COL8A1: variants seen among roughly 807,000 people sequenced by gnomAD.
The protein encoded by COL8A1 is collagen type VIII alpha 1 chain, also known as collagen alpha-1(VIII) chain.
In COL8A1, 21 loss-of-function variants were observed where a neutral mutation model predicts 42.7. The ratio of observed to expected loss-of-function variants is 0.49; its 90% confidence interval spans 0.35 to 0.71. The LOEUF is 0.71. Ranked by LOEUF, COL8A1 falls within the 30% of genes least tolerant of loss-of-function variation. COL8A1 has a pLI of 0.01. For missense variants in COL8A1, 788 were observed against 962.4 expected, an observed-to-expected ratio of 0.82 and a Z score of 2.40; for synonymous variants, 367 against 369.1, an observed-to-expected ratio of 0.99 and a Z score of 0.06.
intron 1 of COL8A1, among the ~76,000 whole-genome samples, chr3:99,709,217 G>T (rs1939765821): frequency 6.6e-6 from 1 of 151,996 alleles, no homozygotes; most frequent in African/African-American, 2.4e-5. Context: ...CCCAAATGTG[G>T]CCTGTGGACC....
intron 2 of COL8A1, among the ~76,000 whole-genome samples, chr3:99,751,321 G>A (rs1315500890): frequency 6.6e-6 from 1 of 152,166 alleles, no homozygotes; most frequent in Non-Finnish European, 1.5e-5. Flanking sequence ...AATATAGGAG[G>A]CCAAAGCGGG....
Position 99,794,658 on chromosome 3 carries a change from G to A in COL8A1, c.757G>A (p.Val253Ile), listed in dbSNP as rs372359820. The change falls in exon 4 of 4, where the codon GTA becomes ATA. Residue 253 changes from valine (V) to isoleucine (I), a missense_variant. Coordinates refer to ENST00000652472, the MANE Select transcript of COL8A1 (RefSeq NM_020351.4). The surrounding 1 kb of genome is among the most constrained non-coding windows in gnomAD (Gnocchi z 4.3). ...CTTCGGGATGCCAGGTGCGCCAGGT[G>A]TAAAGGGGCCTCCAGGGATGCACGG... Reference protein sequence around the residue: ...KGFGMPGAPGVKGPPGMHGPP... With the variant: ...KGFGMPGAPGIKGPPGMHGPP... The A allele has an allele frequency of 7.4e-6, 12 of 1,613,722 alleles. No individual in the cohort carries two copies. The highest frequency in any genetic ancestry group is 4.0e-5 in the African/African-American group (3 of 74,882).
chr3:99,681,094 C>T (rs975327182), intron 1 of COL8A1, among the ~76,000 whole-genome samples: 2 of 152,304 alleles, frequency 1.3e-5, no homozygotes, highest in African/African-American at 4.8e-5. Context: ...GACTTCATGA[C>T]TAAAACACCA....
chr3:99,662,181 C>A (rs1938225514), intron 1 of COL8A1, among the ~76,000 whole-genome samples: 1 of 152,054 alleles, frequency 6.6e-6, no homozygotes. Context: ...GAGTGTGAGA[C>A]CAGCCTGGCC....
At chr3:99,782,151 T>C (rs189338295) in intron 2 of COL8A1, among the ~76,000 whole-genome samples, 19 of 152,334 alleles carry the variant, frequency 1.2e-4, no homozygotes, top group Admixed American at 1.1e-3. Context: ...CATGGATTAT[T>C]ATCATTATTG....
intron 1 of COL8A1, among the ~76,000 whole-genome samples, chr3:99,675,292 G>A (rs936952130): frequency 6.6e-6 from 1 of 151,654 alleles, no homozygotes; most frequent in African/African-American, 2.4e-5. Context: ...CTTATTTTTG[G>A]CCATGAGAAA....
chr3:99,722,686 A>G (rs1940189913), intron 1 of COL8A1, among the ~76,000 whole-genome samples: 1 of 152,108 alleles, frequency 6.6e-6, no homozygotes, highest in African/African-American at 2.4e-5. Flanking sequence ...TCTTCATTTT[A>G]TAGTTGCAAA....
chr3:99,696,481 C>T (rs1302896497), intron 1 of COL8A1, among the ~76,000 whole-genome samples: 1 of 152,094 alleles, frequency 6.6e-6, no homozygotes, highest in African/African-American at 2.4e-5. Flanking sequence ...CAACCAACAG[C>T]GGCTAAGGCA....
At chr3:99,729,433 T>C (rs1290632935) in intron 1 of COL8A1, among the ~76,000 whole-genome samples, 3 of 152,050 alleles carry the variant, frequency 2.0e-5, no homozygotes, top group African/African-American at 4.8e-5. Context: ...CCATTAAATA[T>C]GGTCATGAGA....
At chr3:99,656,595 A>G (rs1424325235) in intron 1 of COL8A1, among the ~76,000 whole-genome samples, 1 of 152,112 alleles carries the variant, frequency 6.6e-6, no homozygotes, top group African/African-American at 2.4e-5. Flanking sequence ...AGCTCAGTTT[A>G]GGGTTATTAT....
At chr3:99,676,479 A>C (rs1312814052) in intron 1 of COL8A1, among the ~76,000 whole-genome samples, 1 of 152,162 alleles carries the variant, frequency 6.6e-6, no homozygotes, top group Non-Finnish European at 1.5e-5. Flanking sequence ...ACATTAATAA[A>C]AAAGAAAATC....
At chr3:99,737,353 C>T (rs1279447223) in intron 1 of COL8A1, among the ~76,000 whole-genome samples, 1 of 152,020 alleles carries the variant, frequency 6.6e-6, no homozygotes, top group East Asian at 1.9e-4. Flanking sequence ...CATGATTTTG[C>T]AGCGGCTGGT....
At chr3:99,640,502 G>A (rs1937486516) in intron 1 of COL8A1, among the ~76,000 whole-genome samples, 1 of 152,214 alleles carries the variant, frequency 6.6e-6, no homozygotes, top group Non-Finnish European at 1.5e-5. Flanking sequence ...AATGCTCCCA[G>A]TTTAAATGAG....
chr3:99,696,841 C>G (rs908115408), intron 1 of COL8A1, among the ~76,000 whole-genome samples: 2 of 152,132 alleles, frequency 1.3e-5, no homozygotes, highest in Admixed American at 6.5e-5. Context: ...TAGGTATAAC[C>G]GATTCAGCTC....
chr3:99,791,569 A>G (rs1195055415), intron 3 of COL8A1, among the ~76,000 whole-genome samples: 1 of 152,248 alleles, frequency 6.6e-6, no homozygotes, highest in Admixed American at 6.5e-5. Flanking sequence ...GCATCTAGGG[A>G]TGACACCTGA....
chr3:99,741,666 G>T (rs1940903663), intron 1 of COL8A1, among the ~76,000 whole-genome samples: 1 of 152,184 alleles, frequency 6.6e-6, no homozygotes, highest in African/African-American at 2.4e-5. Flanking sequence ...CAACAGGAGT[G>T]CCTACAAATG....
chr3:99,696,701 G>A (rs1009152224), intron 1 of COL8A1, among the ~76,000 whole-genome samples: 2 of 152,154 alleles, frequency 1.3e-5, no homozygotes, highest in African/African-American at 2.4e-5. Flanking sequence ...CCGGGGTTAC[G>A]CAATTAATGC....
intron 1 of COL8A1, among the ~76,000 whole-genome samples, chr3:99,667,819 T>C (rs1427663300): frequency 1.3e-5 from 2 of 151,872 alleles, no homozygotes; most frequent in African/African-American, 4.8e-5. Context: ...ACAAGTGCAC[T>C]TCCTCATTTA....
chr3:99,739,401 TGG>T (rs1391027283), intron 1 of COL8A1, among the ~76,000 whole-genome samples: 1 of 152,190 alleles, frequency 6.6e-6, no homozygotes, highest in Non-Finnish European at 1.5e-5. Context: ...GGACTATGTG[TGG>T]GGGGACCAAC....
Sources: gnomAD v4.1 joint callset for allele counts (sites outside exome capture counted in the v4.1 genomes callset) on GRCh38, gnomAD v4.1.1 for gene constraint, Gnocchi (gnomAD v3.1) non-coding constraint, MANE v1.5 for transcripts, NCBI Gene and HGNC (gene_info 2026-07-23, HGNC 2026-07-21) for gene names.